ADAMTS17: variants seen among roughly 807,000 people sequenced by gnomAD.
The protein encoded by ADAMTS17 is ADAM metallopeptidase with thrombospondin type 1 motif 17.
Under a neutral mutation model 141.5 loss-of-function variants are expected in ADAMTS17, and 113 were observed. The observed-to-expected ratio is 0.80, with a 90% CI of 0.69 to 0.93. The LOEUF is 0.93. Among genes scored for constraint, ADAMTS17 ranks in the 40% least tolerant of loss-of-function variants. The pLI is 0.00. For missense variants in ADAMTS17, 1,659 were observed against 1,517.9 expected, an observed-to-expected ratio of 1.09 and a Z score of -1.54; for synonymous variants, 768 against 630.6, an observed-to-expected ratio of 1.22 and a Z score of -3.27.
intron 2 of ADAMTS17, among the ~76,000 whole-genome samples, chr15:100,333,040 C>T (rs539159640): frequency 1.4e-4 from 22 of 152,294 alleles, no homozygotes; most frequent in Admixed American, 5.2e-4. Context: ...AGTGGTCAAA[C>T]GTCCTGTTGA....
intron 8 of ADAMTS17, among the ~76,000 whole-genome samples, chr15:100,182,084 G>A (rs2040544822): frequency 6.6e-6 from 1 of 152,136 alleles, no homozygotes; most frequent in African/African-American, 2.4e-5. Context: ...TGTGCATTAG[G>A]CCATTTTTCA....
intron 3 of ADAMTS17, among the ~76,000 whole-genome samples, chr15:100,299,123 A>G (rs764757762): frequency 2.6e-5 from 4 of 152,164 alleles, no homozygotes; most frequent in Non-Finnish European, 5.9e-5. Context: ...ACCTCTTTAA[A>G]GACCCCATCT....
chr15:100,159,036 A>G (rs2141393659), intron 8 of ADAMTS17, among the ~76,000 whole-genome samples: 1 of 152,376 alleles, frequency 6.6e-6, no homozygotes, highest in African/African-American at 2.4e-5. Context: ...GCAAAATGGT[A>G]TAGATGCTAT....
intron 3 of ADAMTS17, among the ~76,000 whole-genome samples, chr15:100,303,180 TATAA>T (rs1199180139): frequency 6.8e-6 from 1 of 147,086 alleles, no homozygotes; most frequent in Non-Finnish European, 1.5e-5. Context: ...AATTTATATA[TATAA>T]ACTTACCTTT....
intron 3 of ADAMTS17, among the ~76,000 whole-genome samples, chr15:100,289,926 C>G (rs2044574066): frequency 6.6e-6 from 1 of 152,144 alleles, no homozygotes; most frequent in African/African-American, 2.4e-5. Context: ...TGGGCAGAAG[C>G]TGAAAGCATT....
chr15:100,139,823 G>A (rs912994893), intron 10 of ADAMTS17, among the ~76,000 whole-genome samples: 5 of 152,154 alleles, frequency 3.3e-5, no homozygotes, highest in Non-Finnish European at 7.3e-5. Flanking sequence ...ACTGTTATTG[G>A]AGGAGACCAG....
At position 100,149,316 on chromosome 15, in the gene ADAMTS17, AAG is replaced by A. The variant is rs199908811; in HGVS notation, c.1473+3294_1473+3295del. Among the ~76,000 whole-genome samples the A allele has an allele frequency of 7.5e-3, 1,136 of 152,338 alleles. 14 individuals carry two copies. Among genetic ancestry groups the A allele is most frequent in the African/African-American group, 0.026 (1,071 of 41,574 alleles). ...TGGTCTTCTGCATTTTCTTCCCCAAAAGAGCGTGAGTGTGTTGGATAGAGTTC... is the reference window on the plus strand; with the variant it reads ...TGGTCTTCTGCATTTTCTTCCCCAAAAGCGTGAGTGTGTTGGATAGAGTTC... On this transcript the variant is annotated intron_variant, in intron 10 of 21. Transcript: ENST00000268070.
intron 3 of ADAMTS17, among the ~76,000 whole-genome samples, chr15:100,323,049 T>C (rs1057119971): frequency 3.9e-5 from 5 of 126,792 alleles, no homozygotes; most frequent in Admixed American, 1.0e-4. Flanking sequence ...ATTGTGCCAC[T>C]GAACTCCAGC....
chr15:100,122,204 C>T (rs1242028451), intron 12 of ADAMTS17, among the ~76,000 whole-genome samples: 2 of 152,184 alleles, frequency 1.3e-5, no homozygotes, highest in African/African-American at 4.8e-5. Context: ...TTCCTGTATT[C>T]TTTAGAGTTC....
chr15:100,145,126 A>G (rs992882907), intron 10 of ADAMTS17, among the ~76,000 whole-genome samples: 12 of 152,202 alleles, frequency 7.9e-5, no homozygotes, highest in African/African-American at 2.9e-4. Flanking sequence ...AAGATAGACA[A>G]ACATACACAC....
intron 7 of ADAMTS17, among the ~76,000 whole-genome samples, chr15:100,239,932 G>A (rs1407281121): frequency 2.0e-5 from 3 of 152,124 alleles, no homozygotes; most frequent in Non-Finnish European, 4.4e-5. Context: ...AGGAGGAGGT[G>A]GTCTCCAGGT....
intron 7 of ADAMTS17, among the ~76,000 whole-genome samples, chr15:100,203,704 C>CAAACAAAACA (rs111810384): frequency 6.6e-6 from 1 of 151,996 alleles, no homozygotes; most frequent in African/African-American, 2.4e-5. Flanking sequence ...GACTCTTTCT[C>CAAACAAAACA]AAACAAAACA....
At chr15:100,285,539 T>C (rs779037991) in intron 3 of ADAMTS17, among the ~76,000 whole-genome samples, 15 of 152,348 alleles carry the variant, frequency 9.8e-5, no homozygotes, top group Middle Eastern at 3.4e-3. Context: ...CCTCTCAGAA[T>C]TCCTTTACTT....
At chr15:100,110,754 A>T (rs888584431) in intron 13 of ADAMTS17, among the ~76,000 whole-genome samples, 1 of 152,088 alleles carries the variant, frequency 6.6e-6, no homozygotes, top group Non-Finnish European at 1.5e-5. Flanking sequence ...CTTCTCCACC[A>T]GGCCTCCTCA....
chr15:100,117,003 C>T lies in ADAMTS17; in HGVS notation c.1732G>A (p.Gly578Arg). ...CTGGCACCCGGGCAGTGTGTGCCTC[C>T]AGGCCCAGGGCTAGAAGGAAGAAGA... Reference protein sequence around the residue: ...RKCDNPPPGPGGTHCPGASVE... With the variant: ...RKCDNPPPGPRGTHCPGASVE... Residue 578 changes from glycine to arginine, a missense_variant, in exon 13 of 22, where the codon GGA becomes AGA. Gly to Arg is a moderately radical substitution (Grantham distance 125, BLOSUM62 -2). Coordinates refer to ENST00000268070, the MANE Select transcript of ADAMTS17 (RefSeq NM_139057.4). 1.2e-6 allele frequency: 2 copies of T among 1,611,584 alleles called. No individual in the cohort carries two copies. Among genetic ancestry groups the T allele is most frequent in the Non-Finnish European group, 1.7e-6 (2 of 1,179,064 alleles).
intron 4 of ADAMTS17, among the ~76,000 whole-genome samples, chr15:100,275,327 C>T (rs981629381): frequency 6.6e-6 from 1 of 152,138 alleles, no homozygotes; most frequent in Admixed American, 6.5e-5. Flanking sequence ...CTTCCCCATC[C>T]AATGCAAGGG....
intron 8 of ADAMTS17, among the ~76,000 whole-genome samples, chr15:100,174,112 A>T (rs970950634): frequency 6.6e-6 from 1 of 152,196 alleles, no homozygotes; most frequent in Admixed American, 6.5e-5. Flanking sequence ...TTTTTCCCAC[A>T]AAGTCCAGGG....
chr15:100,155,831 C>T (rs148833308), intron 8 of ADAMTS17, among the ~76,000 whole-genome samples: 2 of 152,306 alleles, frequency 1.3e-5, no homozygotes, highest in East Asian at 3.9e-4. Context: ...AACAAGATCA[C>T]ACCTGTCACC....
chr15:100,163,841 C>T (rs192695504), intron 8 of ADAMTS17, among the ~76,000 whole-genome samples: 24 of 152,322 alleles, frequency 1.6e-4, no homozygotes, highest in African/African-American at 5.5e-4. Flanking sequence ...TGTCAAGGTG[C>T]AGTGCACTGG....
Sources: gnomAD v4.1 joint callset for allele counts (sites outside exome capture counted in the v4.1 genomes callset) on GRCh38, gnomAD v4.1.1 for gene constraint, MANE v1.5 for transcripts, NCBI Gene and HGNC (gene_info 2026-07-23, HGNC 2026-07-21) for gene names.